Variants in KPNA1 observed in about 807,000 individuals in gnomAD.
KPNA1 encodes karyopherin subunit alpha 1, also known as importin subunit alpha-5.
KPNA1 carries 10 observed loss-of-function variants against 70.5 expected under a neutral mutation model. The observed-to-expected ratio is 0.14, with a 90% CI of 0.09 to 0.24. The LOEUF is 0.24. KPNA1 is among the 10% of genes least tolerant of loss of function. KPNA1 has a pLI of 1.00. For missense variants in KPNA1, 397 were observed against 637.9 expected, an observed-to-expected ratio of 0.62 and a Z score of 4.07; for synonymous variants, 192 against 221.9, an observed-to-expected ratio of 0.87 and a Z score of 1.20.
chr3:122,493,328 C>T (rs2107494871), intron 2 of KPNA1, among the ~76,000 whole-genome samples: 1 of 149,618 alleles, frequency 6.7e-6, no homozygotes, highest in Non-Finnish European at 1.5e-5. Flanking sequence ...CTCAGAAATA[C>T]TACCCCACAA....
chr3:122,460,102 A>G (rs967502428), intron 5 of KPNA1: 27 of 985,380 alleles, frequency 2.7e-5, no homozygotes, highest in Middle Eastern at 5.2e-4. Flanking sequence ...TACCTAACCA[A>G]TTTTTATAGC....
At chr3:122,500,362 T>C (rs1002650993) in intron 1 of KPNA1, among the ~76,000 whole-genome samples, 115 of 152,062 alleles carry the variant, frequency 7.6e-4, no homozygotes, top group African/African-American at 2.7e-3. Flanking sequence ...CCTCAGAAGA[T>C]CCACCCGCCT....
intron 10 of KPNA1, among the ~76,000 whole-genome samples, chr3:122,438,861 T>C (rs907603027): frequency 6.6e-6 from 1 of 152,058 alleles, no homozygotes; most frequent in Non-Finnish European, 1.5e-5. Flanking sequence ...AATAAAGAAA[T>C]TATAGGGGAA....
chr3:122,502,942 A>G (rs1393489344), intron 1 of KPNA1, among the ~76,000 whole-genome samples: 2 of 151,994 alleles, frequency 1.3e-5, no homozygotes, highest in Non-Finnish European at 1.5e-5. Context: ...CAAAAAATAC[A>G]AAAAAATTAG....
chr3:122,451,592 G>A lies in KPNA1; in HGVS notation c.695C>T (p.Ala232Val), dbSNP rs965581622. Reference protein sequence around the residue: ...KQNRLTMTRNAVWALSNLCRG... With the variant: ...KQNRLTMTRNVVWALSNLCRG... ...ACAGAGATTAGACAAAGCCCATACT[G>A]CATTCCGGGTCATGGTCAGGCGGTT... is the stretch of plus-strand genomic sequence containing the variant. The change falls in exon 8 of 14, where the codon GCA becomes GTA. Residue 232 changes from alanine (A) to valine (V), a missense_variant. Transcript: ENST00000344337. 1 of 1,613,928 alleles carries A rather than the reference G, an allele frequency of 6.2e-7. No individual in the cohort carries two copies. The highest frequency in any genetic ancestry group is 1.7e-5 in the Admixed American group (1 of 59,976).
intron 10 of KPNA1, among the ~76,000 whole-genome samples, chr3:122,439,264 C>G (rs947509509): frequency 6.6e-6 from 1 of 152,156 alleles, no homozygotes; most frequent in Non-Finnish European, 1.5e-5. Context: ...CTCACTGCAA[C>G]CTCAAACTCC....
intron 4 of KPNA1, among the ~76,000 whole-genome samples, chr3:122,462,582 TAA>T (rs923526783): frequency 6.6e-5 from 9 of 136,006 alleles, no homozygotes; most frequent in Admixed American, 1.5e-4. Flanking sequence ...TGAAAGCCCT[TAA>T]AAAAAAAAAA....
At chr3:122,476,924 C>G (rs528307255) in intron 2 of KPNA1, among the ~76,000 whole-genome samples, 34 of 142,508 alleles carry the variant, frequency 2.4e-4, no homozygotes, top group Non-Finnish European at 4.8e-4. Flanking sequence ...AATCCCACTA[C>G]TGGGCATATA....
intron 2 of KPNA1, 84 bp downstream of exon 2, chr3:122,496,353 A>ACACACAC: frequency 1.3e-6 from 1 of 746,264 alleles, no homozygotes; most frequent in Non-Finnish European, 2.0e-6. Context: ...CACACACCCC[A>ACACACAC]ACTTTGCTAA....
At chr3:122,483,252 G>A (rs576351680) in intron 2 of KPNA1, 7 of 152,356 alleles carry the variant, frequency 4.6e-5, no homozygotes, top group African/African-American at 1.7e-4. Flanking sequence ...AAAGCCAAGT[G>A]TGATTAATAT....
At chr3:122,483,713 AG>A (rs2076597964) in intron 2 of KPNA1, among the ~76,000 whole-genome samples, 1 of 152,202 alleles carries the variant, frequency 6.6e-6, no homozygotes, top group Admixed American at 6.5e-5. Flanking sequence ...CATTTTTAAA[AG>A]GAGGGAATCC....
In KPNA1 at chr3:122,423,223, T is replaced by C. The variant is rs2075780818; in HGVS notation, c.*3762A>G. 5 of 152,212 alleles carry C rather than the reference T, an allele frequency of 3.3e-5. No individual in the cohort carries two copies. The highest frequency in any genetic ancestry group is 2.6e-4 in the Admixed American group (4 of 15,276). 9.4% of individuals were successfully genotyped at this position (152,212 alleles called of 1,614,324 possible). A position where few individuals can be genotyped will look rare whatever the true frequency, so the allele number is the denominator to read the frequency against. Reference sequence around the variant, plus strand: ...ATTAAGTTCTGATGACAGGAAAAGATAGACCAAAATATTTCCCAACCTGGC... The same window carrying C: ...ATTAAGTTCTGATGACAGGAAAAGACAGACCAAAATATTTCCCAACCTGGC... On this transcript the variant is annotated 3_prime_UTR_variant, in exon 14 of 14. Coordinates refer to ENST00000344337, the MANE Select transcript of KPNA1 (RefSeq NM_002264.4).
At chr3:122,495,711 A>C (rs2076751636) in intron 2 of KPNA1, among the ~76,000 whole-genome samples, 1 of 146,002 alleles carries the variant, frequency 6.8e-6, no homozygotes, top group Non-Finnish European at 1.5e-5. Context: ...TTCAGGCTCC[A>C]AAGTCTCTCC....
intron 11 of KPNA1, among the ~76,000 whole-genome samples, chr3:122,436,573 A>G (rs2075991957): frequency 6.6e-6 from 1 of 152,208 alleles, no homozygotes; most frequent in Non-Finnish European, 1.5e-5. Flanking sequence ...AAAAGAACCT[A>G]CATGAAACAC....
chr3:122,499,596 T>C lies in KPNA1; in HGVS notation c.-5-3026A>G, dbSNP rs532974215. On this transcript the variant is annotated intron_variant, in intron 1 of 13. Coordinates refer to ENST00000344337, the MANE Select transcript of KPNA1 (RefSeq NM_002264.4). Reference sequence around the variant, plus strand: ...GGTGAGACTCCATCTCTACAAAAAATTTAAAAAATAAAAATCAGACAGGCT... The same window carrying C: ...GGTGAGACTCCATCTCTACAAAAAACTTAAAAAATAAAAATCAGACAGGCT... 2.6e-5 allele frequency among the ~76,000 whole-genome samples: 4 copies of C among 152,014 alleles called. No homozygotes were observed. In the South Asian group the frequency reaches 8.3e-4, roughly 32 times the overall value.
chr3:122,463,910 G>A lies in KPNA1; in HGVS notation c.337+32C>T, dbSNP rs773128458. On this transcript the variant is annotated intron_variant, in intron 4 of 13. Transcript: ENST00000344337. Reference sequence around the variant, plus strand: ...TGGGAAAGTAATTTTGTAGAGAGATGAAAAAATATACTGAACATATTCATA... The same window carrying A: ...TGGGAAAGTAATTTTGTAGAGAGATAAAAAAATATACTGAACATATTCATA... 5 of 1,240,880 alleles carry A rather than the reference G, an allele frequency of 4.0e-6. No individual in the cohort carries two copies. In the African/African-American group the frequency reaches 6.0e-5, roughly 15 times the overall value. The allele number at this position is 1,240,880 out of a possible 1,614,324, so 76.9% of individuals were successfully genotyped here. A position where few individuals can be genotyped will look rare whatever the true frequency, so the allele number is the denominator to read the frequency against.
At chr3:122,473,271 G>A (rs911338904) in intron 2 of KPNA1, among the ~76,000 whole-genome samples, 1 of 152,036 alleles carries the variant, frequency 6.6e-6, no homozygotes, top group Admixed American at 6.5e-5. Context: ...GACTAGATGG[G>A]TTTGCTGGTG....
intron 5 of KPNA1, 150 bp downstream of exon 5, chr3:122,461,074 T>G: frequency 2.0e-6 from 1 of 489,956 alleles, no homozygotes; most frequent in Non-Finnish European, 3.7e-6. Flanking sequence ...AACAAAGCTA[T>G]GAAAGCAGCT....
At chr3:122,449,347 T>C (rs906804907) in intron 9 of KPNA1, among the ~76,000 whole-genome samples, 2 of 152,218 alleles carry the variant, frequency 1.3e-5, no homozygotes, top group African/African-American at 2.4e-5. Flanking sequence ...GTTTTCCCAA[T>C]GTTTCTGCTA....
Sources: gnomAD v4.1 joint callset for allele counts (sites outside exome capture counted in the v4.1 genomes callset) on GRCh38, gnomAD v4.1.1 for gene constraint, MANE v1.5 for transcripts, NCBI Gene and HGNC (gene_info 2026-07-23, HGNC 2026-07-21) for gene names.